The following OR2J3 variants were observed in gnomAD, a reference collection of about 807,000 sequenced individuals.
The protein encoded by OR2J3 is olfactory receptor family 2 subfamily J member 3.
Under a neutral mutation model 18.5 loss-of-function variants are expected in OR2J3, and 13 were observed. That is an observed-to-expected ratio of 0.70 (90% CI 0.46 to 1.12). OR2J3 has a LOEUF of 1.12. Ranked by LOEUF, OR2J3 falls within the 50% of genes most tolerant of loss-of-function variation. The probability of loss-of-function intolerance (pLI) is 0.00; values close to 1 mark genes in which losing one functional copy is unlikely to be tolerated. For missense variants in OR2J3, 321 were observed against 371.6 expected, an observed-to-expected ratio of 0.86 and a Z score of 1.12; for synonymous variants, 142 against 140.6, an observed-to-expected ratio of 1.01 and a Z score of -0.07.
chr6:29,113,992 T>A lies in OR2J3; in HGVS notation c.*1166T>A, dbSNP rs1403419735. The A allele has an allele frequency of 6.6e-6, 1 of 152,084 alleles. No individual in the cohort carries two copies. Among genetic ancestry groups the A allele is most frequent in the Non-Finnish European group, 1.5e-5 (1 of 67,998 alleles). 9.4% of individuals were successfully genotyped at this position (152,084 alleles called of 1,614,324 possible). A position where few individuals can be genotyped will look rare whatever the true frequency, so the allele number is the denominator to read the frequency against. ...AAGTAACGTACTTGCAATGCCTGAG[T>A]TTTCTCTATAACTCAAATGTCAGCT... is the stretch of plus-strand genomic sequence containing the variant. On this transcript the variant is annotated 3_prime_UTR_variant, in exon 4 of 4. Transcript: ENST00000641151.
In OR2J3 at chr6:29,113,054, T is replaced by C. The variant is rs569442180; in HGVS notation, c.*228T>C. 1 of 533,112 alleles carries C rather than the reference T, an allele frequency of 1.9e-6. No homozygotes were observed. The highest frequency in any genetic ancestry group is 3.3e-6 in the Non-Finnish European group (1 of 306,514). The allele number at this position is 533,112 out of a possible 1,614,324, so 33.0% of individuals were successfully genotyped here. On this transcript the variant is annotated 3_prime_UTR_variant, in exon 4 of 4. Coordinates refer to ENST00000641151, the MANE Select transcript of OR2J3 (RefSeq NM_001005216.4). The stretch of plus-strand genomic sequence containing the variant: ...AGCTATGTAAAATCAAGATAAAACA[T>C]CTATAGTGATGTTTTTCCATGGTAC...
chr6:29,112,490 G>A lies in OR2J3; in HGVS notation c.600G>A (p.Leu200=), dbSNP rs1362389400. Residue 200 remains leucine (L), a synonymous_variant, in exon 4 of 4, where the codon CTG becomes CTA. Coordinates refer to ENST00000641151, the MANE Select transcript of OR2J3 (RefSeq NM_001005216.4). The part of the protein sequence containing the change: ...LSCVDTHVNE[L]TLMITSSIFV... ...GTGTTGATACCCATGTCAATGAGCT[G>A]ACCCTCATGATCACAAGCTCCATAT... The A allele has an allele frequency of 6.2e-7, 1 of 1,613,922 alleles. No individual in the cohort carries two copies. The highest frequency in any genetic ancestry group is 8.5e-7 in the Non-Finnish European group (1 of 1,179,996).
rs546971008 is a variant in OR2J3, at chr6:29,112,217, A to G, written c.327A>G (p.Ala109=). The change falls in exon 4 of 4, where the codon GCA becomes GCG. Residue 109 remains alanine (A), a synonymous_variant. Coordinates refer to ENST00000641151, the MANE Select transcript of OR2J3 (RefSeq NM_001005216.4). ...TGATTCAACTTTACTTTGTTCTCGC[A>G]CTGGGAACCACAGAGTGTGTCCTAC... ...GCMIQLYFVL[A]LGTTECVLLV... 6.2e-7 allele frequency: 1 copy of G among 1,614,098 alleles called. No individual in the cohort carries two copies. Among genetic ancestry groups the G allele is most frequent in the East Asian group, 2.2e-5 (1 of 44,872 alleles).
At chr6:29,111,805 T>C in intron 3 of OR2J3, 76 bp from the exon 4 acceptor site, 2 of 1,397,006 alleles carry the variant, frequency 1.4e-6, no homozygotes, top group Non-Finnish European at 1.9e-6. Flanking sequence ...CTTTTATTTT[T>C]TATTCATGTG....
Position 29,112,331 on chromosome 6 carries a change from G to T in OR2J3, c.441G>T (p.Leu147=). 6.2e-7 allele frequency: 1 copy of T among 1,614,090 alleles called. No individual in the cohort carries two copies. The highest frequency in any genetic ancestry group is 8.5e-7 in the Non-Finnish European group (1 of 1,180,032). The change falls in exon 4 of 4, where the codon CTG becomes CTT. Residue 147 remains leucine (L), a synonymous_variant. Coordinates refer to ENST00000641151, the MANE Select transcript of OR2J3 (RefSeq NM_001005216.4). ...VLMHPRFCHL[L]AVASWVSGFT... ...TGCACCCTCGTTTCTGCCACCTGCT[G>T]GCTGTGGCTTCTTGGGTAAGTGGTT... is the stretch of plus-strand genomic sequence containing the variant.
chr6:29,112,572 A>G lies in OR2J3; in HGVS notation c.682A>G (p.Ile228Val), dbSNP rs3130764. Residue 228 changes from isoleucine (I) to valine (V), a missense_variant, in exon 4 of 4, where the codon ATA (isoleucine) becomes GTA (valine). Coordinates refer to ENST00000641151, the MANE Select transcript of OR2J3 (RefSeq NM_001005216.4). ...TTCTTATGGTGCCATCGTCCGAGCTATACTGAGGATGCAGTCAACCACTGG... is the reference window on the plus strand; with the variant it reads ...TTCTTATGGTGCCATCGTCCGAGCTGTACTGAGGATGCAGTCAACCACTGG... ...LTSYGAIVRA[I>V]LRMQSTTGLQ... 1,350,215 of 1,613,632 alleles carry G rather than the reference A, an allele frequency of 0.84. 567,557 individuals carry two copies. Among genetic ancestry groups the G allele is most frequent in the Non-Finnish European group, 0.85 (1,005,771 of 1,179,802 alleles).
chr6:29,114,382 A>G lies in OR2J3; in HGVS notation c.*1556A>G, dbSNP rs554251924. The stretch of plus-strand genomic sequence containing the variant: ...TTCGCCCTTTGAACTGTTTTCTACT[A>G]TGGAAATCTTACGATTTGGAGCACT... On this transcript the variant is annotated 3_prime_UTR_variant, in exon 4 of 4. Coordinates refer to ENST00000641151, the MANE Select transcript of OR2J3 (RefSeq NM_001005216.4). The G allele has an allele frequency of 2.6e-5, 4 of 151,946 alleles. No homozygotes were observed. Among genetic ancestry groups the G allele is most frequent in the African/African-American group, 7.2e-5 (3 of 41,494 alleles). 9.4% of individuals were successfully genotyped at this position (151,946 alleles called of 1,614,324 possible).
At position 29,112,296 on chromosome 6, in the gene OR2J3, A is replaced by C. The variant is rs762020919; in HGVS notation, c.406A>C (p.Thr136Pro). ...YAAVCRPLHY[T>P]VLMHPRFCHL... ...AGCTGTGTGTAGACCTTTGCATTAC[A>C]CTGTCCTCATGCACCCTCGTTTCTG... The change falls in exon 4 of 4, where the codon ACT (threonine) becomes CCT (proline). Residue 136 changes from threonine to proline, a missense_variant. By Grantham distance (38) the Thr-to-Pro change is conservative. Coordinates refer to ENST00000641151, the MANE Select transcript of OR2J3 (RefSeq NM_001005216.4). The C allele has an allele frequency of 6.2e-7, 1 of 1,613,890 alleles. No individual in the cohort carries two copies.
intron 2 of OR2J3, 55 bp downstream of exon 2, chr6:29,108,709 A>G (rs1028160962): frequency 6.6e-6 from 1 of 152,168 alleles, no homozygotes; most frequent in African/African-American, 2.4e-5. Flanking sequence ...TAAATGGGGT[A>G]TCCATCACCT....
chr6:29,111,860 C>T, intron 3 of OR2J3, 21 bp from the exon 4 acceptor site: 1 of 1,553,968 alleles, frequency 6.4e-7, no homozygotes, highest in Non-Finnish European at 8.7e-7. Flanking sequence ...TTTGAGTTTA[C>T]CTTTCTTTTT....
chr6:29,111,781 G>A, intron 3 of OR2J3, 100 bp from the exon 4 acceptor site: 1 of 1,023,444 alleles, frequency 9.8e-7, no homozygotes, highest in Non-Finnish European at 1.4e-6. Flanking sequence ...ATGATGGCAA[G>A]CCCTTCAAAC....
intron 3 of OR2J3, chr6:29,109,481 A>T (rs1562543498): frequency 6.6e-6 from 1 of 152,216 alleles, no homozygotes; most frequent in Non-Finnish European, 1.5e-5. Context: ...AACATGAGCG[A>T]TTAAGAGACC....
rs987434019 is a variant in OR2J3 at position 29,112,951 on chromosome 6, A to C, written c.*125A>C. 1.6e-5 allele frequency: 19 copies of C among 1,219,790 alleles called. 1 individual carries two copies. In the Middle Eastern group the frequency reaches 9.0e-4, roughly 58 times the overall value. 75.6% of individuals were successfully genotyped at this position (1,219,790 alleles called of 1,614,324 possible). ...TTAGCACTTGCTGAGCATGTACTCTAACAAGGTCGTGGAGTTCCTGGTAAC... is the reference window on the plus strand; with the variant it reads ...TTAGCACTTGCTGAGCATGTACTCTCACAAGGTCGTGGAGTTCCTGGTAAC... On this transcript the variant is annotated 3_prime_UTR_variant, in exon 4 of 4. Coordinates refer to ENST00000641151, the MANE Select transcript of OR2J3 (RefSeq NM_001005216.4).
chr6:29,112,541 T>C lies in OR2J3; in HGVS notation c.651T>C (p.Ile217=), dbSNP rs755320169. 3.7e-5 allele frequency: 59 copies of C among 1,613,972 alleles called. No individual in the cohort carries two copies. The East Asian group carries it at 1.3e-3, about 35-fold the overall frequency. The change falls in exon 4 of 4, where the codon ATT becomes ATC. Residue 217 remains isoleucine (I), a synonymous_variant. Coordinates refer to ENST00000641151, the MANE Select transcript of OR2J3 (RefSeq NM_001005216.4). The part of the protein sequence containing the change: ...SIFVLIPLIL[I]LTSYGAIVRA... ...TTGTTCTCATACCTCTCATCCTCATTCTCACTTCTTATGGTGCCATCGTCC... is the reference window on the plus strand; with the variant it reads ...TTGTTCTCATACCTCTCATCCTCATCCTCACTTCTTATGGTGCCATCGTCC...
At chr6:29,111,812 T>G in intron 3 of OR2J3, 69 bp from the exon 4 acceptor site, 1 of 1,424,616 alleles carries the variant, frequency 7.0e-7, no homozygotes, top group Non-Finnish European at 9.5e-7. Flanking sequence ...TTTTTATTCA[T>G]GTGTGCTGAT....
chr6:29,110,899 C>G lies in OR2J3; in HGVS notation c.-10-982C>G, dbSNP rs190670485. ...TCTATCTATCTATCTATCTATCTAC[C>G]TATCTATCTCTTTTTCTGGGCTAGT... is the stretch of plus-strand genomic sequence containing the variant. On this transcript the variant is annotated intron_variant, in intron 3 of 3. Transcript: ENST00000641151. Among the ~76,000 whole-genome samples, 72 of 149,610 alleles carry G rather than the reference C, an allele frequency of 4.8e-4. 1 individual carries two copies. In the East Asian group the frequency reaches 0.013, roughly 27 times the overall value.
At position 29,112,070 on chromosome 6, in the gene OR2J3, A is replaced by T. The variant is rs1562547466; in HGVS notation, c.180A>T (p.Thr60=). The change falls in exon 4 of 4, where the codon ACA becomes ACT. Residue 60 remains threonine, a synonymous_variant. Transcript: ENST00000641151. The stretch of plus-strand genomic sequence containing the variant: ...CATACCTGGACTCCCATCTGCACAC[A>T]CCAATGTACTTCTTCCTTTCAAACC... The part of the protein sequence containing the change: ...ILSYLDSHLH[T]PMYFFLSNLS... 1.2e-6 allele frequency: 2 copies of T among 1,613,972 alleles called. No individual in the cohort carries two copies. Among genetic ancestry groups the T allele is most frequent in the African/African-American group, 2.7e-5 (2 of 74,892 alleles).
intron 3 of OR2J3, chr6:29,109,488 G>A (rs1323770636): frequency 6.6e-6 from 1 of 152,060 alleles, no homozygotes; most frequent in Non-Finnish European, 1.5e-5. Flanking sequence ...GCGATTAAGA[G>A]ACCCCTAAAA....
At position 29,112,113 on chromosome 6, in the gene OR2J3, T is replaced by C. The variant is rs760166073; in HGVS notation, c.223T>C (p.Cys75Arg). 8 of 1,614,132 alleles carry C rather than the reference T, an allele frequency of 5.0e-6. No homozygotes were observed. The highest frequency in any genetic ancestry group is 6.8e-6 in the Non-Finnish European group (8 of 1,180,028). The change falls in exon 4 of 4, where the codon TGC (cysteine) becomes CGC (arginine). Residue 75 changes from cysteine (C) to arginine (R), a missense_variant. Physicochemically the swap from Cys to Arg is radical, Grantham distance 180 (BLOSUM62 -3). Transcript: ENST00000641151. ...FLSNLSFLDL[C>R]YTTSSIPQLL... is the part of the protein sequence containing the mutation. Reference sequence around the variant, plus strand: ...TTCAAACCTCTCATTTCTGGATCTCTGCTACACCACCAGCTCTATCCCTCA... The same window carrying C: ...TTCAAACCTCTCATTTCTGGATCTCCGCTACACCACCAGCTCTATCCCTCA...
Sources: gnomAD v4.1 joint callset for allele counts (sites outside exome capture counted in the v4.1 genomes callset) on GRCh38, gnomAD v4.1.1 for gene constraint, MANE v1.5 for transcripts, NCBI Gene and HGNC (gene_info 2026-07-23, HGNC 2026-07-21) for gene names.